The following DAB2IP variants were observed in gnomAD, a reference collection of about 807,000 sequenced individuals.
DAB2IP encodes the protein disabled homolog 2-interacting protein.
In DAB2IP, 28 loss-of-function variants were observed where a neutral mutation model predicts 107.2. The ratio of observed to expected loss-of-function variants is 0.26; its 90% CI spans 0.19 to 0.36. The LOEUF is 0.36. Ranked by LOEUF, DAB2IP falls within the 10% of genes least tolerant of loss-of-function variation. The probability of loss-of-function intolerance (pLI) is 1.00; values close to 1 mark genes in which losing one functional copy is unlikely to be tolerated. For missense variants in DAB2IP, 1,400 were observed against 1,644.7 expected (o/e 0.85, Z 2.57); for synonymous variants, 755 against 706.4 (o/e 1.07, Z -1.09).
chr9:121,772,639 C>T lies in DAB2IP; in HGVS notation c.2111C>T (p.Thr704Ile), dbSNP rs557617227. The change falls in exon 12 of 16, where the codon ACC (threonine) becomes ATC (isoleucine). Residue 704 changes from threonine (T) to isoleucine (I), a missense_variant. Around this residue, in one of 3 missense-constraint regions of DAB2IP, gnomAD observed 517 missense variants for 748.6 expected, o/e 0.69. Coordinates refer to ENST00000408936, the Ensembl canonical transcript of DAB2IP. This position sits in a 1 kb window ranked among gnomAD's most constrained non-coding sequence, Gnocchi z 4.7. ...GATTTCACCCGGTTACCGTCTCCAA[C>T]CCCCGAAAACAAGGACTTGTTTTTT... is the stretch of plus-strand genomic sequence containing the variant. 1.1e-5 allele frequency: 17 copies of T among 1,613,948 alleles called. No individual in the cohort carries two copies. The East Asian group carries it at 1.1e-4, about 11-fold the overall frequency.
intron 2 of DAB2IP, among the ~76,000 whole-genome samples, chr9:121,681,659 G>A (rs1047539238): frequency 2.0e-5 from 3 of 152,226 alleles, no homozygotes; most frequent in Non-Finnish European, 4.4e-5. Flanking sequence ...CTCAGCTCCT[G>A]AGTCAGGACT....
intron 3 of DAB2IP, among the ~76,000 whole-genome samples, chr9:121,717,508 C>T (rs918928407): frequency 2.6e-5 from 4 of 152,236 alleles, no homozygotes; most frequent in Non-Finnish European, 4.4e-5. Context: ...TCACTCGGGT[C>T]ACACACTTGT....
chr9:121,578,627 C>T (rs963460832), intron 1 of DAB2IP, among the ~76,000 whole-genome samples: 6 of 151,928 alleles, frequency 3.9e-5, no homozygotes, highest in African/African-American at 1.4e-4. Flanking sequence ...GAGGACCCCC[C>T]CATCGACCTC....
At chr9:121,783,321 G>A (rs1835789784) in exon 16 of DAB2IP, 1 of 1,420,772 alleles carries the variant, frequency 7.0e-7, no homozygotes, top group African/African-American at 1.4e-5. Context: ...AGAAGCCAGA[G>A]ATCTGGGCGG....
At chr9:121,667,231 C>T (rs532550793) in intron 1 of DAB2IP, among the ~76,000 whole-genome samples, 13 of 151,580 alleles carry the variant, frequency 8.6e-5, no homozygotes, top group Non-Finnish European at 4.4e-5. Context: ...AGGCTGGTCT[C>T]GAACCCCTGA....
At chr9:121,661,466 C>T (rs1833198095) in intron 1 of DAB2IP, among the ~76,000 whole-genome samples, 1 of 152,080 alleles carries the variant, frequency 6.6e-6, no homozygotes, top group Admixed American at 6.5e-5. Flanking sequence ...TCCTGGGACC[C>T]TGAGCTTCAG....
chr9:121,728,914 G>T (rs1360902930), intron 3 of DAB2IP, among the ~76,000 whole-genome samples: 1 of 152,186 alleles, frequency 6.6e-6, no homozygotes, highest in African/African-American at 2.4e-5. Flanking sequence ...TGTAATAATT[G>T]TGCTAATTAT....
chr9:121,739,569 A>G (rs993376160), intron 3 of DAB2IP, among the ~76,000 whole-genome samples: 5 of 152,280 alleles, frequency 3.3e-5, no homozygotes, highest in East Asian at 3.9e-4. Flanking sequence ...GTAAACAGGT[A>G]TGAGGGATTT....
intron 1 of DAB2IP, among the ~76,000 whole-genome samples, chr9:121,625,582 C>T (rs920936074): frequency 2.0e-5 from 3 of 151,974 alleles, no homozygotes; most frequent in Non-Finnish European, 4.4e-5. Flanking sequence ...CTTTGAATCT[C>T]CCTTTGGCAG....
intron 3 of DAB2IP, among the ~76,000 whole-genome samples, chr9:121,721,391 A>C (rs571866454): frequency 6.6e-6 from 1 of 152,336 alleles, no homozygotes; most frequent in East Asian, 1.9e-4. Flanking sequence ...CTTATTCCAC[A>C]AACAATAAGC....
At chr9:121,680,127 C>T (rs1828508726) in intron 2 of DAB2IP, among the ~76,000 whole-genome samples, 1 of 152,070 alleles carries the variant, frequency 6.6e-6, no homozygotes, top group Non-Finnish European at 1.5e-5. Flanking sequence ...TGCAGAACTG[C>T]TTGGTGGAGC....
At chr9:121,757,837 C>T (rs950291845) in intron 4 of DAB2IP, among the ~76,000 whole-genome samples, 1 of 152,234 alleles carries the variant, frequency 6.6e-6, no homozygotes, top group Admixed American at 6.5e-5. Context: ...TGGGAAGATT[C>T]CTACCCCCAA....
intron 3 of DAB2IP, among the ~76,000 whole-genome samples, chr9:121,705,600 C>A (rs779878222): frequency 6.6e-6 from 1 of 152,230 alleles, no homozygotes; most frequent in Non-Finnish European, 1.5e-5. Context: ...TGAGCACTCA[C>A]GTGCATACTT....
intron 1 of DAB2IP, among the ~76,000 whole-genome samples, chr9:121,632,218 G>A (rs1106006): frequency 2.6e-5 from 4 of 152,006 alleles, no homozygotes; most frequent in South Asian, 4.1e-4. Context: ...CATCTAAGAC[G>A]CACGGTGATA....
At chr9:121,652,810 C>CA (rs1238600626) in intron 1 of DAB2IP, among the ~76,000 whole-genome samples, 1 of 152,060 alleles carries the variant, frequency 6.6e-6, no homozygotes, top group Admixed American at 6.5e-5. Context: ...CTGCAGGCTG[C>CA]CGTTGTGTGA....
chr9:121,581,341 G>A (rs889640463), intron 1 of DAB2IP, among the ~76,000 whole-genome samples: 6 of 152,342 alleles, frequency 3.9e-5, no homozygotes, highest in Admixed American at 1.3e-4. Context: ...GTCCCCCAAT[G>A]TCCTTGGCAG....
chr9:121,654,399 C>T (rs1832889032), intron 1 of DAB2IP, among the ~76,000 whole-genome samples: 1 of 152,078 alleles, frequency 6.6e-6, no homozygotes, highest in South Asian at 2.1e-4. Context: ...CAAGACCAGC[C>T]TGGGCAACAT....
intron 1 of DAB2IP, among the ~76,000 whole-genome samples, chr9:121,646,228 T>C (rs2119047799): frequency 6.6e-6 from 1 of 152,254 alleles, no homozygotes; most frequent in South Asian, 2.1e-4. Flanking sequence ...TCGGTGGCTT[T>C]TGGGAGGAAG....
intron 3 of DAB2IP, among the ~76,000 whole-genome samples, chr9:121,703,456 G>A (rs1829887604): frequency 6.6e-6 from 1 of 152,096 alleles, no homozygotes. Flanking sequence ...TTAGACAATT[G>A]CCAGGAGTCA....
Sources: allele counts gnomAD v4.1 joint callset (sites outside exome capture counted in the v4.1 genomes callset), GRCh38; gene constraint gnomAD v4.1.1; regional missense constraint gnomAD v4.1.1; non-coding constraint Gnocchi (gnomAD v3.1); transcripts MANE v1.5; gene names NCBI Gene and HGNC (gene_info 2026-07-23, HGNC 2026-07-21).